The following TSG101 variants were observed in gnomAD, a reference collection of about 807,000 sequenced individuals.
The protein encoded by TSG101 is tumor susceptibility gene 101 protein.
A neutral mutation model predicts 48.5 loss-of-function variants in TSG101; 19 were observed. The observed-to-expected ratio is 0.39, with a 90% CI of 0.27 to 0.58. TSG101 has a LOEUF of 0.58. Ranked by LOEUF, TSG101 falls within the 20% of genes least tolerant of loss-of-function variation. The pLI is 0.55. For missense variants in TSG101, 365 were observed against 484.4 expected (o/e 0.75, Z 2.31); for synonymous variants, 174 against 169.4 (o/e 1.03, Z -0.21).
At chr11:18,491,329 G>C (rs1163726512) in intron 7 of TSG101, among the ~76,000 whole-genome samples, 1 of 152,132 alleles carries the variant, frequency 6.6e-6, no homozygotes, top group African/African-American at 2.4e-5. Context: ...ATAGGTAACA[G>C]CTCAACCTCT....
intron 2 of TSG101, among the ~76,000 whole-genome samples, chr11:18,516,813 T>G (rs374828812): frequency 6.6e-6 from 1 of 151,394 alleles, no homozygotes; most frequent in Non-Finnish European, 1.5e-5. Flanking sequence ...TGGTGGCACA[T>G]GCCTGTAATC....
rs532073247 is a variant in TSG101, at chr11:18,485,375, A to G, written c.641-1303T>C. Among the ~76,000 whole-genome samples, 80 of 152,242 alleles carry G rather than the reference A, an allele frequency of 5.3e-4. 1 individual carries two copies. Among genetic ancestry groups the G allele is most frequent in the Admixed American group, 1.1e-3 (17 of 15,288 alleles). On this transcript the variant is annotated intron_variant, in intron 7 of 9. Transcript: ENST00000251968. ...TATCACTATATTTATTAGTTTAATA[A>G]CCTATTTTCTGAAGGAAAGGTCTCT... is the stretch of plus-strand genomic sequence containing the variant.
intron 7 of TSG101, 129 bp from the exon 8 acceptor site, chr11:18,484,201 G>C (rs2133902387): frequency 1.2e-6 from 1 of 824,808 alleles, no homozygotes; most frequent in East Asian, 2.6e-5. Flanking sequence ...AAAAAATTAT[G>C]TTACCAGTTT....
chr11:18,526,905 C>T lies in TSG101; in HGVS notation c.-89G>A. On this transcript the variant is annotated 5_prime_UTR_variant, in exon 1 of 10. Coordinates refer to ENST00000251968, the MANE Select transcript of TSG101 (RefSeq NM_006292.4). ...ACCGTCCCACACAATCGCACACCCCCAACCCGGCCTCAAACAACAGGAAGT... is the reference window on the plus strand; with the variant it reads ...ACCGTCCCACACAATCGCACACCCCTAACCCGGCCTCAAACAACAGGAAGT... 6 of 1,437,974 alleles carry T rather than the reference C, an allele frequency of 4.2e-6. No homozygotes were observed. Among genetic ancestry groups the T allele is most frequent in the East Asian group, 2.5e-5 (1 of 40,370 alleles). The allele number at this position is 1,437,974 out of a possible 1,614,324, so 89.1% of individuals were successfully genotyped here. A position where few individuals can be genotyped will look rare whatever the true frequency, so the allele number is the denominator to read the frequency against.
rs1252484174 is a variant in TSG101, at chr11:18,509,610, T to G, written c.413A>C (p.Glu138Ala). ...AATAGGACGAGAGAAGACTGGAGGT[T>G]CATCTCCAAATACCACAATCATGAC... ...IQVMIVVFGDEPPVFSRPISA... is the reference protein window; with the variant it reads ...IQVMIVVFGDAPPVFSRPISA... Residue 138 changes from glutamate to alanine, a missense_variant, in exon 5 of 10, where the codon GAA becomes GCA. Transcript: ENST00000251968. The G allele has an allele frequency of 6.2e-7, 1 of 1,613,876 alleles. No homozygotes were observed. Among genetic ancestry groups the G allele is most frequent in the East Asian group, 2.2e-5 (1 of 44,898 alleles).
At chr11:18,526,365 C>T (rs1021680993) in intron 1 of TSG101, among the ~76,000 whole-genome samples, 7 of 152,198 alleles carry the variant, frequency 4.6e-5, no homozygotes, top group African/African-American at 1.7e-4. Context: ...AAAAGAAAGG[C>T]TAAGACTGGA....
chr11:18,504,585 G>A (rs1268328023), intron 6 of TSG101, among the ~76,000 whole-genome samples: 6 of 152,104 alleles, frequency 3.9e-5, no homozygotes, highest in African/African-American at 1.4e-4. Flanking sequence ...TGAAAACTGG[G>A]ATAAACTGCT....
chr11:18,521,670 C>CTTTTTTT (rs869176661), intron 1 of TSG101, among the ~76,000 whole-genome samples: 2 of 66,692 alleles, frequency 3.0e-5, no homozygotes, highest in Non-Finnish European at 5.4e-5. Context: ...TGGCCCCTTC[C>CTTTTTTT]TTTTTTTTTT....
intron 7 of TSG101, chr11:18,490,791 A>G: frequency 1.9e-6 from 1 of 527,506 alleles, no homozygotes; most frequent in South Asian, 1.6e-5. Context: ...CCAGGAAAGC[A>G]GCGGGCACCA....
At chr11:18,512,531 T>C (rs1850102015) in intron 4 of TSG101, among the ~76,000 whole-genome samples, 1 of 152,168 alleles carries the variant, frequency 6.6e-6, no homozygotes, top group Non-Finnish European at 1.5e-5. Flanking sequence ...AGTGGAGGGA[T>C]GTCCCGTTTC....
chr11:18,521,069 C>T (rs117255412), intron 1 of TSG101, among the ~76,000 whole-genome samples: 19 of 152,020 alleles, frequency 1.2e-4, no homozygotes, highest in Non-Finnish European at 2.6e-4. Flanking sequence ...TATTTTTCTC[C>T]TCTTCTCTGG....
Position 18,516,150 on chromosome 11 carries a change from T to C in TSG101, c.142A>G (p.Ser48Gly), listed in dbSNP as rs771235956. ...VLDSYVFNDG[S>G]SRELMNLTGT... ...GTGAGGTTCATTAGTTCCCTGGAAC[T>C]GCCATCGTTAAAAACTGAAAGGAAA... Residue 48 changes from serine (S) to glycine (G), a missense_variant, in exon 3 of 10, where the codon AGT becomes GGT. Ser to Gly is a moderately conservative substitution (Grantham distance 56, BLOSUM62 0). Transcript: ENST00000251968. The C allele has an allele frequency of 4.3e-6, 7 of 1,613,920 alleles. No individual in the cohort carries two copies. The highest frequency in any genetic ancestry group is 5.9e-6 in the Non-Finnish European group (7 of 1,179,920).
At chr11:18,501,594 G>T (rs1048666063) in intron 7 of TSG101, among the ~76,000 whole-genome samples, 2 of 152,012 alleles carry the variant, frequency 1.3e-5, no homozygotes, top group African/African-American at 4.8e-5. Flanking sequence ...TGGCTATTTG[G>T]CTTCTTTTTT....
chr11:18,500,558 T>TA (rs1849871875), intron 7 of TSG101, among the ~76,000 whole-genome samples: 1 of 152,200 alleles, frequency 6.6e-6, no homozygotes, highest in African/African-American at 2.4e-5. Context: ...TTGTGGTTTT[T>TA]ATCTGCATTT....
intron 7 of TSG101, among the ~76,000 whole-genome samples, chr11:18,493,386 G>C (rs745549992): frequency 1.3e-5 from 2 of 152,064 alleles, no homozygotes; most frequent in Non-Finnish European, 2.9e-5. Flanking sequence ...AAGACACCCG[G>C]TTTCATTTAT....
chr11:18,508,436 C>A (rs1259341664), intron 5 of TSG101: 1 of 151,924 alleles, frequency 6.6e-6, no homozygotes, highest in African/African-American at 2.4e-5. Context: ...ATCAGGTGAT[C>A]CACCCCCACC....
At position 18,506,548 on chromosome 11, in the gene TSG101, G is replaced by A. The variant is rs188072488; in HGVS notation, c.548+309C>T. On this transcript the variant is annotated intron_variant, in intron 6 of 9. Coordinates refer to ENST00000251968, the MANE Select transcript of TSG101 (RefSeq NM_006292.4). ...TCTACTAAAAATACAAAAATTAGCC[G>A]GGAATGGTGGCACAGCCTGTAGTCC... 2.6e-3 allele frequency among the ~76,000 whole-genome samples: 392 copies of A among 152,000 alleles called. 4 individuals are homozygous for A. Among genetic ancestry groups the A allele is most frequent in the Admixed American group, 6.7e-3 (102 of 15,252 alleles).
At position 18,502,054 on chromosome 11, in the gene TSG101, T is replaced by G. The variant is rs565079770; in HGVS notation, c.640+432A>C. Among the ~76,000 whole-genome samples, 5 of 152,208 alleles carry G rather than the reference T, an allele frequency of 3.3e-5. No homozygotes were observed. The South Asian group carries it at 6.2e-4, about 19-fold the overall frequency. ...CCTTAGTTTTTTTAGTTGAAGAAAATTATATTTCAGGTAACGCTAATAAGC... is the reference window on the plus strand; with the variant it reads ...CCTTAGTTTTTTTAGTTGAAGAAAAGTATATTTCAGGTAACGCTAATAAGC... On this transcript the variant is annotated intron_variant, in intron 7 of 9. Coordinates refer to ENST00000251968, the MANE Select transcript of TSG101 (RefSeq NM_006292.4).
At chr11:18,486,765 T>C (rs1849626381) in intron 7 of TSG101, among the ~76,000 whole-genome samples, 1 of 151,992 alleles carries the variant, frequency 6.6e-6, no homozygotes, top group Non-Finnish European at 1.5e-5. Context: ...ATCCCATTAC[T>C]GGGTATATAC....
Sources: gnomAD v4.1 joint callset for allele counts (sites outside exome capture counted in the v4.1 genomes callset) on GRCh38, gnomAD v4.1.1 for gene constraint, MANE v1.5 for transcripts, NCBI Gene and HGNC (gene_info 2026-07-23, HGNC 2026-07-21) for gene names.